Variants in MAPK9 observed in about 807,000 individuals in gnomAD.
MAPK9 encodes mitogen-activated protein kinase 9.
In MAPK9, 30 loss-of-function variants were observed where a neutral mutation model predicts 57.1. That is an observed-to-expected ratio of 0.53 (90% CI 0.39 to 0.71). MAPK9 has a LOEUF of 0.71. Among genes scored for constraint, MAPK9 ranks in the 30% least tolerant of loss-of-function variants. The pLI is 0.00. For missense variants in MAPK9, 362 were observed against 521.0 expected, an observed-to-expected ratio of 0.69 and a Z score of 2.97; for synonymous variants, 155 against 177.0, an observed-to-expected ratio of 0.88 and a Z score of 0.99.
chr5:180,271,703 C>T (rs1011713216), intron 2 of MAPK9, among the ~76,000 whole-genome samples: 3 of 152,134 alleles, frequency 2.0e-5, no homozygotes, highest in Non-Finnish European at 4.4e-5. Flanking sequence ...ATATCACTAA[C>T]GGCCAGAGTT....
At chr5:180,258,486 G>C (rs888056992) in intron 5 of MAPK9, 1 of 153,424 alleles carries the variant, frequency 6.5e-6, no homozygotes, top group African/African-American at 2.4e-5. Context: ...ATAAATGTAA[G>C]AAATGTAGCA....
chr5:180,291,795 G>A (rs1763276621), intron 1 of MAPK9, 53 bp downstream of exon 1: 1 of 148,084 alleles, frequency 6.8e-6, no homozygotes, highest in South Asian at 1.9e-4. Flanking sequence ...GCCCCTCCCC[G>A]CGGGCCCGGC....
rs5873681 is a variant in MAPK9 at position 180,253,963 on chromosome 5, C to CTTTTTT, written c.451-4831_451-4826dup. On this transcript the variant is annotated intron_variant, in intron 5 of 11. Transcript: ENST00000452135. ...CAGTCAGCCTTTAATGCTTCAATCT[C>CTTTTTT]TTTTTTTTTTTTTTTTTTTTGAGAC... is the stretch of plus-strand genomic sequence containing the variant. Among the ~76,000 whole-genome samples, 73 of 109,342 alleles carry CTTTTTT rather than the reference C, an allele frequency of 6.7e-4. 2 individuals are homozygous for CTTTTTT. The highest frequency in any genetic ancestry group is 7.8e-4 in the Admixed American group (7 of 9,020). The allele number at this position is 109,342 out of a possible 152,430, so 71.7% of individuals were successfully genotyped here.
At chr5:180,291,150 G>A (rs1461136212) in intron 1 of MAPK9, among the ~76,000 whole-genome samples, 1 of 152,214 alleles carries the variant, frequency 6.6e-6, no homozygotes, top group African/African-American at 2.4e-5. Flanking sequence ...TGGGGCAAAT[G>A]CGGGCTGGCA....
intron 2 of MAPK9, among the ~76,000 whole-genome samples, chr5:180,277,441 C>G (rs1761924588): frequency 6.6e-6 from 1 of 152,222 alleles, no homozygotes; most frequent in African/African-American, 2.4e-5. Context: ...TATGACCTTC[C>G]TGTCTCCCTT....
rs1000085739 is a variant in MAPK9, at chr5:180,280,541, G to C, written c.21C>G (p.Asp7Glu). 5 of 1,613,978 alleles carry C rather than the reference G, an allele frequency of 3.1e-6. No homozygotes were observed. The African/African-American group carries it at 6.7e-5, about 22-fold the overall frequency. Residue 7 changes from aspartate (D) to glutamate (E), a missense_variant, in exon 2 of 12, where the codon GAC becomes GAG. Physicochemically the swap from Asp to Glu is conservative, Grantham distance 45. Around this residue, in one of 3 missense-constraint regions of MAPK9, gnomAD observed 36 missense variants for 38.0 expected, o/e 0.95. Transcript: ENST00000452135. MSDSKCDSQFYSVQVAD... is the reference protein window; with the variant it reads MSDSKCESQFYSVQVAD... ...CCACTTGCACACTATAAAACTGACT[G>C]TCACATTTACTGTCGCTCATGATGC...
chr5:180,243,042 A>C, intron 7 of MAPK9: 1 of 312,776 alleles, frequency 3.2e-6, no homozygotes, highest in Non-Finnish European at 5.8e-6. Context: ...CTTATAACTA[A>C]GAATACCTAT....
chr5:180,276,715 G>A (rs371845859), intron 2 of MAPK9, among the ~76,000 whole-genome samples: 2 of 152,132 alleles, frequency 1.3e-5, no homozygotes, highest in East Asian at 1.9e-4. Context: ...TTAGCTGGGC[G>A]TGGTGGCGCA....
At chr5:180,278,680 A>C (rs571714157) in intron 2 of MAPK9, among the ~76,000 whole-genome samples, 77 of 152,028 alleles carry the variant, frequency 5.1e-4, no homozygotes, top group Admixed American at 1.4e-3. Context: ...GCCTGGTGAC[A>C]AAGTGAGACT....
intron 8 of MAPK9, among the ~76,000 whole-genome samples, chr5:180,242,202 G>A (rs1208510093): frequency 6.6e-6 from 1 of 152,210 alleles, no homozygotes; most frequent in Non-Finnish European, 1.5e-5. Context: ...AGTAAAGGGT[G>A]CAGGAGAAGG....
At chr5:180,241,904 C>T (rs1172209919) in intron 8 of MAPK9, among the ~76,000 whole-genome samples, 1 of 152,202 alleles carries the variant, frequency 6.6e-6, no homozygotes, top group African/African-American at 2.4e-5. Context: ...TTTCAAACCA[C>T]ACAACAATCT....
rs138433362 is a variant in MAPK9 at position 180,261,606 on chromosome 5, A to T, written c.450+78T>A. ...ATTTTCAAGCCTAACAATTTTTTTT[A>T]AATGTTATTTTGTATGTAAAGGATT... On this transcript the variant is annotated intron_variant, in intron 5 of 11. Transcript: ENST00000452135. The T allele has an allele frequency of 3.0e-4, 385 of 1,300,424 alleles. 1 individual carries two copies. In the African/African-American group the frequency reaches 5.4e-3, roughly 18 times the overall value. 80.6% of individuals were successfully genotyped at this position (1,300,424 alleles called of 1,614,324 possible). A position where few individuals can be genotyped will look rare whatever the true frequency, so the allele number is the denominator to read the frequency against.
intron 11 of MAPK9, chr5:180,238,062 G>A: frequency 4.2e-6 from 1 of 236,928 alleles, no homozygotes; most frequent in Non-Finnish European, 8.3e-6. Flanking sequence ...ACAAGGTCAG[G>A]AGATCGAGAC....
At chr5:180,262,205 G>C (rs1335233092) in intron 4 of MAPK9, among the ~76,000 whole-genome samples, 1 of 152,062 alleles carries the variant, frequency 6.6e-6, no homozygotes, top group African/African-American at 2.4e-5. Flanking sequence ...TGCACGTAAG[G>C]GGCTGGAGAC....
rs367946568 is a variant in MAPK9 at position 180,280,920 on chromosome 5, C to T, written c.-47-312G>A. ...TATGAAAAGACTACATCACTCTGTG[C>T]GTCTCATCAGCTTGCCCCCTGTGGG... On this transcript the variant is annotated intron_variant, in intron 1 of 11. Coordinates refer to ENST00000452135, the MANE Select transcript of MAPK9 (RefSeq NM_002752.5). Among the ~76,000 whole-genome samples, 150 of 152,254 alleles carry T rather than the reference C, an allele frequency of 9.9e-4. 5 individuals are homozygous for T. The South Asian group carries it at 0.029, about 29-fold the overall frequency.
intron 5 of MAPK9, among the ~76,000 whole-genome samples, chr5:180,257,246 C>A (rs913639066): frequency 5.3e-5 from 8 of 152,150 alleles, no homozygotes; most frequent in African/African-American, 1.9e-4. Context: ...TGGGCTCTAC[C>A]CCCAAGGGAG....
At position 180,247,443 on chromosome 5, in the gene MAPK9, A is replaced by C; in HGVS notation, c.684T>G (p.Thr228=). Residue 228 remains threonine, a synonymous_variant, in exon 7 of 12, where the codon ACT becomes ACG. Coordinates refer to ENST00000452135, the MANE Select transcript of MAPK9 (RefSeq NM_002752.5). This position sits in a 1 kb window ranked among gnomAD's most constrained non-coding sequence, Gnocchi z 4.5. Reference sequence around the variant, plus strand: ...CAAGGTCGCGGGGAAGGATACGGTCAGTGCCTTGGAATATCACACAACCTT... The same window carrying C: ...CAAGGTCGCGGGGAAGGATACGGTCCGTGCCTTGGAATATCACACAACCTT... The part of the protein sequence containing the change: ...LVKGCVIFQG[T]DHIDQWNKVI... 1 of 1,614,234 alleles carries C rather than the reference A, an allele frequency of 6.2e-7. No homozygotes were observed. Among genetic ancestry groups the C allele is most frequent in the South Asian group, 1.1e-5 (1 of 91,086 alleles).
chr5:180,273,474 A>G (rs1364795143), intron 2 of MAPK9, among the ~76,000 whole-genome samples: 1 of 151,958 alleles, frequency 6.6e-6, no homozygotes, highest in Non-Finnish European at 1.5e-5. Flanking sequence ...CGATCCTCCC[A>G]CCTTGGCCTC....
intron 2 of MAPK9, among the ~76,000 whole-genome samples, chr5:180,270,237 T>C (rs2127607036): frequency 6.6e-6 from 1 of 152,258 alleles, no homozygotes; most frequent in East Asian, 1.9e-4. Context: ...ATACTGTTTC[T>C]ATTTCTTTAT....
Sources: gnomAD v4.1 joint callset for allele counts (sites outside exome capture counted in the v4.1 genomes callset) on GRCh38, gnomAD v4.1.1 for gene constraint, gnomAD v4.1.1 regional missense constraint, Gnocchi (gnomAD v3.1) non-coding constraint, MANE v1.5 for transcripts, NCBI Gene and HGNC (gene_info 2026-07-23, HGNC 2026-07-21) for gene names.